PUS10: variants seen among roughly 807,000 people sequenced by gnomAD.
PUS10 encodes the protein tRNA pseudouridine synthase Pus10.
PUS10 carries 59 observed loss-of-function variants against 75.0 expected under a neutral mutation model. The observed-to-expected ratio is 0.79, with a 90% confidence interval of 0.64 to 0.98. PUS10 has a LOEUF of 0.98. Among genes scored for constraint, PUS10 ranks in the 50% least tolerant of loss-of-function variants. The probability of loss-of-function intolerance (pLI) is 0.00; values close to 1 mark genes in which losing one functional copy is unlikely to be tolerated. For synonymous variants in PUS10, 219 were observed against 211.6 expected, an observed-to-expected ratio of 1.03 and a Z score of -0.30; for missense variants, 650 against 614.4, an observed-to-expected ratio of 1.06 and a Z score of -0.61.
intron 2 of PUS10, chr2:61,010,187 C>T (rs187652953): frequency 6.6e-6 from 1 of 152,402 alleles, no homozygotes; most frequent in Admixed American, 6.5e-5. Context: ...TAATAGGTTA[C>T]AGTGTGTCTG....
At chr2:60,947,977 G>A (rs1427518364) in intron 16 of PUS10, 66 bp downstream of exon 16, 11 of 1,570,768 alleles carry the variant, frequency 7.0e-6, no homozygotes, top group Non-Finnish European at 9.6e-6. Flanking sequence ...CTGTTTTCTA[G>A]GGGACCATGA....
intron 4 of PUS10, among the ~76,000 whole-genome samples, chr2:60,997,324 A>G (rs900836186): frequency 3.2e-4 from 49 of 152,326 alleles, no homozygotes; most frequent in African/African-American, 1.1e-3. Context: ...AAAAGGACTT[A>G]GTGGGGCCAG....
intron 3 of PUS10, among the ~76,000 whole-genome samples, chr2:61,008,196 A>G (rs1013134008): frequency 6.6e-6 from 1 of 151,994 alleles, no homozygotes; most frequent in Admixed American, 6.6e-5. Flanking sequence ...AGACCAGCAC[A>G]GTAACATAGG....
intron 11 of PUS10, 145 bp downstream of exon 11, chr2:60,960,247 G>T: frequency 3.9e-6 from 2 of 513,678 alleles, no homozygotes; most frequent in African/African-American, 2.0e-5. Flanking sequence ...AGGAGGCCAA[G>T]GTGGGCAGAT....
At chr2:60,987,063 G>A (rs921602255) in intron 4 of PUS10, among the ~76,000 whole-genome samples, 1 of 152,152 alleles carries the variant, frequency 6.6e-6, no homozygotes, top group Non-Finnish European at 1.5e-5. Flanking sequence ...AATTAAAAAG[G>A]ATCTCCTCAA....
chr2:60,955,213 C>T, intron 11 of PUS10, 139 bp from the exon 12 acceptor site: 1 of 459,880 alleles, frequency 2.2e-6, no homozygotes, highest in South Asian at 4.9e-5. Flanking sequence ...CATCCCACCT[C>T]TAATGTCAAT....
chr2:60,973,101 G>A (rs925156003), intron 4 of PUS10, among the ~76,000 whole-genome samples: 1 of 152,180 alleles, frequency 6.6e-6, no homozygotes, highest in Admixed American at 6.5e-5. Context: ...GGCCGGCCAG[G>A]ACCTGTTCTC....
intron 11 of PUS10, among the ~76,000 whole-genome samples, chr2:60,958,885 CA>C (rs568745857): frequency 4.2e-5 from 6 of 144,170 alleles, no homozygotes; most frequent in Admixed American, 1.4e-4. Flanking sequence ...GACTCTGTCT[CA>C]AAAAAAAAAG....
Position 60,968,989 on chromosome 2 carries a change from C to G in PUS10, c.504-1376G>C, listed in dbSNP as rs1676505761. ...TTAATATTTGCACAAAATAGCATCA[C>G]AGTTGAAAGTAAATAATATATGAAA... On this transcript the variant is annotated intron_variant, in intron 5 of 17. Transcript: ENST00000316752. 1.3e-5 allele frequency among the ~76,000 whole-genome samples: 2 copies of G among 152,062 alleles called. 1 individual carries two copies. The highest frequency in any genetic ancestry group is 4.1e-4 in the South Asian group (2 of 4,824).
chr2:60,965,958 A>ATTTTTTTTTTTTTTT (rs144959020), intron 6 of PUS10: 1 of 151,438 alleles, frequency 6.6e-6, no homozygotes, highest in Non-Finnish European at 1.5e-5. Flanking sequence ...CCAGATCTTA[A>ATTTTTTTTTTTTTTT]TTTTTTTTGT....
chr2:60,976,884 T>C (rs1677063356), intron 4 of PUS10, among the ~76,000 whole-genome samples: 2 of 152,206 alleles, frequency 1.3e-5, no homozygotes, highest in Admixed American at 1.3e-4. Flanking sequence ...ATCTATTCTC[T>C]AGAGTAAACA....
intron 4 of PUS10, among the ~76,000 whole-genome samples, chr2:60,995,343 C>T (rs991796478): frequency 2.0e-5 from 3 of 152,178 alleles, no homozygotes; most frequent in Non-Finnish European, 2.9e-5. Flanking sequence ...TAAAAAATAA[C>T]TACACATTAT....
At chr2:60,956,741 T>C (rs936038128) in intron 11 of PUS10, among the ~76,000 whole-genome samples, 82 of 152,014 alleles carry the variant, frequency 5.4e-4, no homozygotes, top group African/African-American at 8.9e-4. Context: ...TTTGGGAGGC[T>C]AAGGCAGGTG....
chr2:60,947,773 A>G (rs58755277), intron 16 of PUS10, among the ~76,000 whole-genome samples: 2,460 of 150,252 alleles, frequency 0.016, 60 homozygotes, highest in African/African-American at 0.053. Flanking sequence ...AGCTTGCAGT[A>G]AGCCGAGATG....
rs766465948 is a variant in PUS10, at chr2:60,953,001, A to G, written c.1304T>C (p.Ile435Thr). Residue 435 changes from isoleucine to threonine, a missense_variant, in exon 15 of 18, where the codon ATA (isoleucine) becomes ACA (threonine). Coordinates refer to ENST00000316752, the MANE Select transcript of PUS10 (RefSeq NM_144709.4). ...QKKDIEFLND[I>T]KDLKIDQKTP... is the part of the protein sequence containing the mutation. ...GAATAAGCACACTTAAACTACCTTTATGTCATTTAGGAATTCAATGTCTTT... is the reference window on the plus strand; with the variant it reads ...GAATAAGCACACTTAAACTACCTTTGTGTCATTTAGGAATTCAATGTCTTT... 1 of 1,462,110 alleles carries G rather than the reference A, an allele frequency of 6.8e-7. No homozygotes were observed. 90.6% of individuals were successfully genotyped at this position (1,462,110 alleles called of 1,614,324 possible).
chr2:60,988,065 G>T (rs571500634), intron 4 of PUS10, among the ~76,000 whole-genome samples: 2 of 151,850 alleles, frequency 1.3e-5, no homozygotes, highest in East Asian at 3.9e-4. Flanking sequence ...CTCCAGCCTG[G>T]GTGAGAGAGC....
intron 9 of PUS10, 21 bp downstream of exon 9, chr2:60,962,802 CTTT>C (rs1400988935): frequency 6.3e-7 from 1 of 1,575,530 alleles, no homozygotes; most frequent in Admixed American, 1.9e-5. Context: ...CACGATGCTT[CTTT>C]GTTTCTAAAC....
At chr2:61,002,358 C>T (rs1175119027) in intron 4 of PUS10, among the ~76,000 whole-genome samples, 1 of 152,244 alleles carries the variant, frequency 6.6e-6, no homozygotes, top group Non-Finnish European at 1.5e-5. Flanking sequence ...TATTCATTAG[C>T]CTTTGTGATT....
chr2:60,971,269 C>G (rs1005822337), intron 5 of PUS10, among the ~76,000 whole-genome samples: 6 of 151,552 alleles, frequency 4.0e-5, no homozygotes, highest in Non-Finnish European at 5.9e-5. Context: ...GCATATAAAA[C>G]ATGTATTTAC....
Sources: allele counts gnomAD v4.1 joint callset (sites outside exome capture counted in the v4.1 genomes callset), GRCh38; gene constraint gnomAD v4.1.1; transcripts MANE v1.5; gene names NCBI Gene and HGNC (gene_info 2026-07-23, HGNC 2026-07-21).